The following ADAMTS9 variants were observed in gnomAD, a reference collection of about 807,000 sequenced individuals.
ADAMTS9 encodes A disintegrin and metalloproteinase with thrombospondin motifs 9.
In ADAMTS9, 107 loss-of-function variants were observed where a neutral mutation model predicts 257.1. That is an observed-to-expected ratio of 0.42 (90% confidence interval 0.36 to 0.49). ADAMTS9 has a LOEUF of 0.49. ADAMTS9 is among the 20% of genes least tolerant of loss of function. The pLI, the probability that ADAMTS9 is intolerant of heterozygous loss-of-function variation, is 0.03. For synonymous variants in ADAMTS9, 982 were observed against 880.9 expected, an observed-to-expected ratio of 1.11 and a Z score of -2.03; for missense variants, 2,353 against 2,469.1, an observed-to-expected ratio of 0.95 and a Z score of 1.00.
At chr3:64,603,085 G>C (rs185213660) in intron 25 of ADAMTS9, among the ~76,000 whole-genome samples, 32 of 152,272 alleles carry the variant, frequency 2.1e-4, no homozygotes, top group East Asian at 9.7e-4. Flanking sequence ...TTTCTGCTAA[G>C]CATTTGACGT....
chr3:64,537,912 T>C (rs2083070495), intron 37 of ADAMTS9, among the ~76,000 whole-genome samples: 1 of 152,190 alleles, frequency 6.6e-6, no homozygotes, highest in African/African-American at 2.4e-5. Context: ...CCGAGCTGAT[T>C]ATGACAAAAT....
chr3:64,633,442 A>G (rs1700417378), intron 14 of ADAMTS9, 30 bp downstream of exon 14: 1 of 1,612,482 alleles, frequency 6.2e-7, no homozygotes, highest in Admixed American at 1.7e-5. Context: ...GCGGGAAAAC[A>G]CAGTGAAGAA....
At chr3:64,586,176 G>A (rs1393864050) in intron 28 of ADAMTS9, among the ~76,000 whole-genome samples, 1 of 152,092 alleles carries the variant, frequency 6.6e-6, no homozygotes, top group Non-Finnish European at 1.5e-5. Context: ...TTCTCTGATG[G>A]TGCTGACTTC....
Position 64,640,465 on chromosome 3 carries a change from C to G in ADAMTS9, c.1856+1383G>C, listed in dbSNP as rs1190748148. On this transcript the variant is annotated intron_variant, in intron 12 of 39. Transcript: ENST00000498707. ...CAATACAACTATTGTATTACCCCAGCCTACTTAGTTCCTTTACTTCACCTG... is the reference window on the plus strand; with the variant it reads ...CAATACAACTATTGTATTACCCCAGGCTACTTAGTTCCTTTACTTCACCTG... 2.0e-5 allele frequency among the ~76,000 whole-genome samples: 3 copies of G among 152,192 alleles called. No individual in the cohort carries two copies. In the South Asian group the frequency reaches 6.2e-4, roughly 31 times the overall value.
At chr3:64,685,502 C>T (rs567935451) in intron 2 of ADAMTS9, among the ~76,000 whole-genome samples, 2 of 152,330 alleles carry the variant, frequency 1.3e-5, no homozygotes, top group South Asian at 4.1e-4. Flanking sequence ...ACGCGCGTGG[C>T]AGAAACGCAC....
chr3:64,613,672 C>A (rs2084709841), intron 21 of ADAMTS9, among the ~76,000 whole-genome samples, 163 bp from the exon 22 acceptor site: 4 of 152,158 alleles, frequency 2.6e-5, no homozygotes, highest in Admixed American at 2.0e-4. Context: ...TCCTTTTGTT[C>A]GTTCATTTAT....
At chr3:64,614,779 C>A (rs1382500307) in intron 21 of ADAMTS9, 1 of 151,840 alleles carries the variant, frequency 6.6e-6, no homozygotes. Context: ...CCTTGTGCTT[C>A]ATAAAGTAAA....
chr3:64,556,207 A>G (rs556255620), intron 30 of ADAMTS9, among the ~76,000 whole-genome samples: 1 of 152,340 alleles, frequency 6.6e-6, no homozygotes, highest in East Asian at 1.9e-4. Flanking sequence ...CAGCGAGGTG[A>G]GCAGTTCTGC....
rs571006461 is a variant in ADAMTS9 at position 64,548,578 on chromosome 3, G to A, written c.4870-1626C>T. 1.9e-4 allele frequency among the ~76,000 whole-genome samples: 25 copies of A among 131,950 alleles called. 1 individual carries two copies. Among genetic ancestry groups the A allele is most frequent in the Admixed American group, 8.6e-4 (11 of 12,764 alleles). 86.6% of individuals were successfully genotyped at this position (131,950 alleles called of 152,430 possible). ...CCCCTACAAACCAGGAGCAAAAGTC[G>A]TCCCCTGGCTATTTATGTGGGGGGG... On this transcript the variant is annotated intron_variant, in intron 31 of 39. Coordinates refer to ENST00000498707, the MANE Select transcript of ADAMTS9 (RefSeq NM_182920.2).
intron 31 of ADAMTS9, among the ~76,000 whole-genome samples, chr3:64,547,675 G>T (rs1432762586): frequency 6.6e-6 from 1 of 152,048 alleles, no homozygotes; most frequent in Non-Finnish European, 1.5e-5. Flanking sequence ...ACCACACCCA[G>T]CTAGGCTATA....
intron 29 of ADAMTS9, among the ~76,000 whole-genome samples, chr3:64,567,292 G>C (rs1184740851): frequency 6.6e-6 from 1 of 152,160 alleles, no homozygotes; most frequent in Non-Finnish European, 1.5e-5. Context: ...CCATGCTAGA[G>C]CCCGCCAACC....
chr3:64,555,612 C>T (rs536243562), intron 30 of ADAMTS9, among the ~76,000 whole-genome samples: 2 of 152,154 alleles, frequency 1.3e-5, no homozygotes, highest in East Asian at 3.9e-4. Flanking sequence ...TGTAACAGAG[C>T]ATGTAATTGA....
intron 38 of ADAMTS9, among the ~76,000 whole-genome samples, chr3:64,525,766 A>T (rs2082902109): frequency 6.6e-6 from 1 of 151,738 alleles, no homozygotes; most frequent in Non-Finnish European, 1.5e-5. Context: ...GTGCACTACC[A>T]TACCTGGCTA....
chr3:64,561,736 C>T lies in ADAMTS9; in HGVS notation c.4540G>A (p.Gly1514Ser). The change falls in exon 30 of 40, where the codon GGC becomes AGC. Residue 1514 changes from glycine to serine, a missense_variant. Around this residue, in one of 3 missense-constraint regions of ADAMTS9, gnomAD observed 1,402 missense variants for 1,441.4 expected, o/e 0.97. Coordinates refer to ENST00000498707, the MANE Select transcript of ADAMTS9 (RefSeq NM_182920.2). ...GAWSQCSVSC[G>S]RGVQQRHVGC... is the part of the protein sequence containing the mutation. ...ACATGCCTCTGCTGTACGCCTCGGC[C>T]ACAGGACACAGAGCACTAAGAAGAC... 6.2e-7 allele frequency: 1 copy of T among 1,604,238 alleles called. No homozygotes were observed. Among genetic ancestry groups the T allele is most frequent in the Non-Finnish European group, 8.5e-7 (1 of 1,175,424 alleles).
intron 28 of ADAMTS9, among the ~76,000 whole-genome samples, chr3:64,593,028 T>C (rs2084291647): frequency 6.6e-6 from 1 of 152,202 alleles, no homozygotes; most frequent in Admixed American, 6.5e-5. Flanking sequence ...GGTGCCATTA[T>C]TGTAGGGAAA....
intron 37 of ADAMTS9, among the ~76,000 whole-genome samples, chr3:64,536,418 T>C (rs1041024376): frequency 1.3e-5 from 2 of 152,218 alleles, no homozygotes; most frequent in Non-Finnish European, 2.9e-5. Flanking sequence ...AGAAGAGTGA[T>C]TGAGAGTTAT....
At chr3:64,609,329 G>A (rs1215122567) in intron 22 of ADAMTS9, among the ~76,000 whole-genome samples, 2 of 152,010 alleles carry the variant, frequency 1.3e-5, no homozygotes, top group Non-Finnish European at 2.9e-5. Context: ...AAGCGGGAAG[G>A]AAGAAGTACA....
intron 36 of ADAMTS9, among the ~76,000 whole-genome samples, chr3:64,540,322 A>C (rs1019067654): frequency 2.0e-5 from 3 of 152,182 alleles, no homozygotes; most frequent in African/African-American, 7.2e-5. Context: ...AGGAAAAATT[A>C]ATTATTCATT....
chr3:64,641,393 A>G (rs1276653457), intron 12 of ADAMTS9, among the ~76,000 whole-genome samples: 2 of 151,422 alleles, frequency 1.3e-5, no homozygotes, highest in Non-Finnish European at 2.9e-5. Flanking sequence ...ATATGTATAC[A>G]TGTGCCATGC....
Sources: gnomAD v4.1 joint callset for allele counts (sites outside exome capture counted in the v4.1 genomes callset) on GRCh38, gnomAD v4.1.1 for gene constraint, gnomAD v4.1.1 regional missense constraint, MANE v1.5 for transcripts, NCBI Gene and HGNC (gene_info 2026-07-23, HGNC 2026-07-21) for gene names.